BARX2: variants seen among roughly 807,000 people sequenced by gnomAD.
BARX2 encodes BARX homeobox 2.
BARX2 carries 11 observed loss-of-function variants against 25.5 expected under a neutral mutation model. The observed-to-expected ratio is 0.43, with a 90% CI of 0.27 to 0.71. The LOEUF is 0.71. BARX2 is among the 30% of genes least tolerant of loss of function. BARX2 has a pLI of 0.19. For missense variants in BARX2, 360 were observed against 359.9 expected, an observed-to-expected ratio of 1.00 and a Z score of 0.00; for synonymous variants, 137 against 149.5, an observed-to-expected ratio of 0.92 and a Z score of 0.61.
intron 1 of BARX2, among the ~76,000 whole-genome samples, chr11:129,429,945 C>T (rs1364373370): frequency 2.0e-5 from 3 of 152,210 alleles, no homozygotes; most frequent in Non-Finnish European, 4.4e-5. Context: ...CTCACGGCAG[C>T]CTCTAAAAAT....
intron 3 of BARX2, 54 bp from the exon 4 acceptor site, chr11:129,451,082 G>C: frequency 6.3e-7 from 1 of 1,583,802 alleles, no homozygotes; most frequent in Non-Finnish European, 8.6e-7. Flanking sequence ...GGAGTGGAAA[G>C]GTGGAGGGAA....
At chr11:129,403,972 C>A (rs1861803048) in intron 1 of BARX2, among the ~76,000 whole-genome samples, 1 of 152,186 alleles carries the variant, frequency 6.6e-6, no homozygotes, top group Non-Finnish European at 1.5e-5. Flanking sequence ...ACAGAAAGGT[C>A]AGCAGGTATA....
At chr11:129,403,694 G>A (rs1284609382) in intron 1 of BARX2, among the ~76,000 whole-genome samples, 1 of 152,166 alleles carries the variant, frequency 6.6e-6, no homozygotes, top group East Asian at 1.9e-4. Context: ...CATTACAATT[G>A]GAGTTTGGAT....
chr11:129,436,716 C>A lies in BARX2; in HGVS notation c.188-35C>A, dbSNP rs748790617. ...TCCTGGCCTGCTTCCCCACACCGTT[C>A]CCTGTGGTGACCTGCCTCCCTGCTT... On this transcript the variant is annotated intron_variant, in intron 1 of 3. Transcript: ENST00000281437. This position sits in a 1 kb window ranked among gnomAD's most constrained non-coding sequence, Gnocchi z 4.5. The A allele has an allele frequency of 2.0e-6, 3 of 1,536,514 alleles. No homozygotes were observed. In the Admixed American group the frequency reaches 5.8e-5, roughly 30 times the overall value.
chr11:129,397,243 C>T (rs1249859696), intron 1 of BARX2, among the ~76,000 whole-genome samples: 1 of 149,424 alleles, frequency 6.7e-6, no homozygotes, highest in African/African-American at 2.5e-5. Context: ...GTGGTCATGC[C>T]ATTGCACTCA....
chr11:129,426,437 A>G (rs547539608), intron 1 of BARX2, among the ~76,000 whole-genome samples: 74 of 152,060 alleles, frequency 4.9e-4, no homozygotes, highest in African/African-American at 1.6e-3. Context: ...GAGTGGCACA[A>G]TCTCGGCTCA....
rs912720034 is a variant in BARX2, at chr11:129,451,882, G to C, written c.*480G>C. ...AAAAAAGAATTTAATGTTTTTGGTT[G>C]TATTTTTTTGGGGGGGTGAGGGTGG... is the stretch of plus-strand genomic sequence containing the variant. On this transcript the variant is annotated 3_prime_UTR_variant, in exon 4 of 4. Transcript: ENST00000281437. The C allele has an allele frequency of 1.4e-5, 2 of 145,274 alleles. No homozygotes were observed. The highest frequency in any genetic ancestry group is 5.2e-5 in the African/African-American group (2 of 38,806). 9.0% of individuals were successfully genotyped at this position (145,274 alleles called of 1,614,324 possible).
chr11:129,389,500 A>G (rs949516227), intron 1 of BARX2, among the ~76,000 whole-genome samples: 1 of 152,158 alleles, frequency 6.6e-6, no homozygotes, highest in Non-Finnish European at 1.5e-5. Context: ...ATAAATTCAT[A>G]AATGAGTGGC....
chr11:129,420,294 C>T (rs1277202346), intron 1 of BARX2, among the ~76,000 whole-genome samples: 2 of 152,152 alleles, frequency 1.3e-5, no homozygotes, highest in Non-Finnish European at 2.9e-5. Flanking sequence ...CAAGCTCTCC[C>T]AAAAATAGAC....
intron 3 of BARX2, among the ~76,000 whole-genome samples, chr11:129,446,084 C>T (rs1017140815): frequency 2.0e-5 from 3 of 152,110 alleles, no homozygotes; most frequent in Non-Finnish European, 2.9e-5. Flanking sequence ...TAACCTATAG[C>T]GGGTTGGGTA....
intron 1 of BARX2, among the ~76,000 whole-genome samples, chr11:129,408,800 ATTTG>A (rs1861857994): frequency 1.3e-5 from 2 of 152,230 alleles, no homozygotes; most frequent in Admixed American, 6.5e-5. Flanking sequence ...TTATTGGATT[ATTTG>A]TTTATTTTTC....
chr11:129,435,033 A>G (rs563046803), intron 1 of BARX2, among the ~76,000 whole-genome samples: 11 of 152,386 alleles, frequency 7.2e-5, no homozygotes, highest in African/African-American at 2.6e-4. Flanking sequence ...CTCTTTTGAA[A>G]GAAGTGACAG....
intron 1 of BARX2, among the ~76,000 whole-genome samples, chr11:129,427,193 G>A (rs554701068): frequency 2.4e-4 from 37 of 152,280 alleles, no homozygotes; most frequent in African/African-American, 8.2e-4. Context: ...CATTAATGCC[G>A]TTAATCCTCA....
chr11:129,376,147 T>A lies in BARX2; in HGVS notation c.112T>A (p.Tyr38Asn). ...DEILSKETCDYFEKLSLYSVC... is the reference protein window; with the variant it reads ...DEILSKETCDNFEKLSLYSVC... ...GATCCTCTCCAAGGAGACCTGCGAT[T>A]ACTTTGAGAAACTTTCCCTCTACTC... Residue 38 changes from tyrosine to asparagine, a missense_variant, in exon 1 of 4, where the codon TAC becomes AAC. Coordinates refer to ENST00000281437, the MANE Select transcript of BARX2 (RefSeq NM_003658.5). This position sits in a 1 kb window ranked among gnomAD's most constrained non-coding sequence, Gnocchi z 4.2. 1 of 1,613,716 alleles carries A rather than the reference T, an allele frequency of 6.2e-7. No homozygotes were observed. Among genetic ancestry groups the A allele is most frequent in the Non-Finnish European group, 8.5e-7 (1 of 1,179,810 alleles).
At position 129,388,563 on chromosome 11, in the gene BARX2, G is replaced by A. The variant is rs556427942; in HGVS notation, c.187+12341G>A. 4.9e-4 allele frequency among the ~76,000 whole-genome samples: 74 copies of A among 152,284 alleles called. No individual in the cohort carries two copies. The Middle Eastern group carries it at 0.01, about 21-fold the overall frequency. On this transcript the variant is annotated intron_variant, in intron 1 of 3. Transcript: ENST00000281437. Reference sequence around the variant, plus strand: ...CTAAAGCCAACCAAATGCCTTGAGAGTTAACACTTCGGATATTTTTCATGG... The same window carrying A: ...CTAAAGCCAACCAAATGCCTTGAGAATTAACACTTCGGATATTTTTCATGG...
At chr11:129,409,348 C>T (rs1565514299) in intron 1 of BARX2, among the ~76,000 whole-genome samples, 3 of 152,134 alleles carry the variant, frequency 2.0e-5, no homozygotes, top group Non-Finnish European at 4.4e-5. Flanking sequence ...GTGAATTCTT[C>T]AGTGTGTTTT....
intron 1 of BARX2, among the ~76,000 whole-genome samples, chr11:129,431,053 G>A (rs1862123235): frequency 1.3e-5 from 2 of 152,074 alleles, no homozygotes; most frequent in Admixed American, 1.3e-4. Flanking sequence ...GTAGAGACAG[G>A]GTTTCGCCAT....
intron 1 of BARX2, among the ~76,000 whole-genome samples, chr11:129,417,193 G>A (rs1311800307): frequency 6.6e-6 from 1 of 152,140 alleles, no homozygotes; most frequent in Admixed American, 6.5e-5. Context: ...GAGCCACCGT[G>A]CCTGGCCCAG....
upstream of BARX2, among the ~76,000 whole-genome samples, chr11:129,375,561 C>G (rs941289811): frequency 6.6e-6 from 1 of 152,070 alleles, no homozygotes; most frequent in South Asian, 2.1e-4. This position sits in a 1 kb window ranked among gnomAD's most constrained non-coding sequence, Gnocchi z 4.0. Flanking sequence ...CGCGCACACT[C>G]CTGCACACAC....
Sources: allele counts gnomAD v4.1 joint callset (sites outside exome capture counted in the v4.1 genomes callset), GRCh38; gene constraint gnomAD v4.1.1; non-coding constraint Gnocchi (gnomAD v3.1); transcripts MANE v1.5; gene names NCBI Gene and HGNC (gene_info 2026-07-23, HGNC 2026-07-21).